Variants in CFAP44 observed in about 807,000 individuals in gnomAD.
CFAP44 encodes the protein cilia and flagella associated protein 44, also known as cilia- and flagella-associated protein 44.
In CFAP44, 134 loss-of-function variants were observed where a neutral mutation model predicts 216.2. The ratio of observed to expected loss-of-function variants is 0.62; its 90% CI spans 0.54 to 0.72. The LOEUF (loss-of-function observed/expected upper bound fraction) is 0.72. Among genes scored for constraint, CFAP44 ranks in the 30% least tolerant of loss-of-function variants. CFAP44 has a pLI of 0.00. For missense variants in CFAP44, 2,035 were observed against 2,182.1 expected (o/e 0.93, Z 1.34); for synonymous variants, 700 against 727.6 (o/e 0.96, Z 0.61).
intron 2 of CFAP44, among the ~76,000 whole-genome samples, chr3:113,430,850 A>T (rs1935087922): frequency 6.6e-6 from 1 of 152,210 alleles, no homozygotes; most frequent in African/African-American, 2.4e-5. Context: ...AAAATTATTA[A>T]ATAAGGTCTG....
In CFAP44 at chr3:113,344,648, A is replaced by G; in HGVS notation, c.3130T>C (p.Ser1044Pro). The G allele has an allele frequency of 6.5e-7, 1 of 1,536,992 alleles. No individual in the cohort carries two copies. Among genetic ancestry groups the G allele is most frequent in the Non-Finnish European group, 8.7e-7 (1 of 1,146,820 alleles). Residue 1044 changes from serine to proline, a missense_variant, in exon 23 of 35, where the codon TCC becomes CCC. Coordinates refer to ENST00000393845, the MANE Select transcript of CFAP44 (RefSeq NM_001164496.2). ...VHAILSDHKI[S>P]SYRLVQPSKY... ...GAGGGCTGCACCAGCCTGTAAGAGGATATCTTGTGGTCACTCAGTATGGCA... is the reference window on the plus strand; with the variant it reads ...GAGGGCTGCACCAGCCTGTAAGAGGGTATCTTGTGGTCACTCAGTATGGCA...
chr3:113,315,663 G>A (rs799829), intron 28 of CFAP44, among the ~76,000 whole-genome samples: 148,653 of 152,284 alleles, frequency 0.98, 72,579 homozygotes, highest in East Asian at 1. Flanking sequence ...TTTGACTTAT[G>A]ATTTTTCAGC....
intron 28 of CFAP44, among the ~76,000 whole-genome samples, chr3:113,316,873 A>AG (rs1376474175): frequency 3.3e-5 from 5 of 151,952 alleles, no homozygotes; most frequent in Non-Finnish European, 7.4e-5. Flanking sequence ...CATCTCAAAA[A>AG]AAAAAAAAAA....
chr3:113,332,801 C>CA (rs1023723213), intron 25 of CFAP44, among the ~76,000 whole-genome samples: 8 of 151,810 alleles, frequency 5.3e-5, no homozygotes, highest in Non-Finnish European at 8.8e-5. Flanking sequence ...GGAAGTCCTA[C>CA]AAAAAAAGGT....
At chr3:113,440,595 C>T (rs1935338335) in intron 1 of CFAP44, among the ~76,000 whole-genome samples, 1 of 152,164 alleles carries the variant, frequency 6.6e-6, no homozygotes, top group Admixed American at 6.5e-5. Context: ...CTGTGTCTCA[C>T]CTCTACCATT....
Position 113,363,352 on chromosome 3 carries a change from C to T in CFAP44, c.2772-45G>A, listed in dbSNP as rs548798378. 39 of 1,577,578 alleles carry T rather than the reference C, an allele frequency of 2.5e-5. No homozygotes were observed. In the African/African-American group the frequency reaches 4.8e-4, roughly 19 times the overall value. ...ACAATAACAGGTTGTGATACAGAAA[C>T]AGCAGAGAAAGAGAAAATTAGTATT... On this transcript the variant is annotated intron_variant, in intron 20 of 34. Transcript: ENST00000393845.
chr3:113,314,048 C>A (rs1206593026), intron 28 of CFAP44, among the ~76,000 whole-genome samples: 1 of 152,114 alleles, frequency 6.6e-6, no homozygotes, highest in Non-Finnish European at 1.5e-5. Context: ...CAAAATAAAA[C>A]CCCAGAGCCT....
intron 21 of CFAP44, among the ~76,000 whole-genome samples, chr3:113,359,272 A>C (rs564967250): frequency 3.9e-4 from 60 of 152,332 alleles, no homozygotes; most frequent in Non-Finnish European, 7.2e-4. Flanking sequence ...CCCAGGAAAG[A>C]TAGCAGTATC....
At position 113,290,923 on chromosome 3, in the gene CFAP44, G is replaced by A. The variant is rs1436706861; in HGVS notation, c.*634C>T. On this transcript the variant is annotated 3_prime_UTR_variant, in exon 35 of 35. Transcript: ENST00000393845. The stretch of plus-strand genomic sequence containing the variant: ...GAACTGAGGAGTCTACAAAAACTGT[G>A]GGCAATCCAAGAAGGCTGGTTATTT... The A allele has an allele frequency of 1.3e-5, 2 of 152,616 alleles. No homozygotes were observed. Among genetic ancestry groups the A allele is most frequent in the African/African-American group, 2.4e-5 (1 of 41,412 alleles). The allele number at this position is 152,616 out of a possible 1,614,324, so 9.5% of individuals were successfully genotyped here. A position where few individuals can be genotyped will look rare whatever the true frequency, so the allele number is the denominator to read the frequency against.
intron 15 of CFAP44, among the ~76,000 whole-genome samples, chr3:113,386,506 C>T (rs1271736876): frequency 6.6e-6 from 1 of 152,138 alleles, no homozygotes; most frequent in Admixed American, 6.5e-5. Context: ...AAGCATATTA[C>T]ATGAAACAGT....
chr3:113,386,058 T>C (rs751616465), intron 15 of CFAP44, among the ~76,000 whole-genome samples: 30 of 152,232 alleles, frequency 2.0e-4, no homozygotes, highest in Non-Finnish European at 3.7e-4. Flanking sequence ...TCTCAATGTT[T>C]GCTTTATATA....
chr3:113,326,659 G>A lies in CFAP44; in HGVS notation c.4321-19C>T. 1 of 1,407,906 alleles carries A rather than the reference G, an allele frequency of 7.1e-7. No individual in the cohort carries two copies. Among genetic ancestry groups the A allele is most frequent in the East Asian group, 2.5e-5 (1 of 39,254 alleles). 87.2% of individuals were successfully genotyped at this position (1,407,906 alleles called of 1,614,324 possible). Reference sequence around the variant, plus strand: ...TTTTCCACTAAATGAATAAAAACAAGGACAAATGATAAATATTTCTGATAA... The same window carrying A: ...TTTTCCACTAAATGAATAAAAACAAAGACAAATGATAAATATTTCTGATAA... On this transcript the variant is annotated intron_variant, in intron 27 of 34. Transcript: ENST00000393845.
At chr3:113,402,591 G>A (rs1486631091) in intron 9 of CFAP44, among the ~76,000 whole-genome samples, 1 of 152,212 alleles carries the variant, frequency 6.6e-6, no homozygotes, top group Non-Finnish European at 1.5e-5. Flanking sequence ...GATTAGCCTG[G>A]TTGGGGGAAG....
intron 2 of CFAP44, among the ~76,000 whole-genome samples, chr3:113,431,261 T>A (rs553216062): frequency 6.6e-6 from 1 of 152,026 alleles, no homozygotes; most frequent in Non-Finnish European, 1.5e-5. Flanking sequence ...ACATTATCAT[T>A]TGGGAGTCTA....
chr3:113,404,027 T>C lies in CFAP44; in HGVS notation c.1006-11A>G, dbSNP rs778779845. The C allele has an allele frequency of 6.2e-6, 10 of 1,607,426 alleles. No individual in the cohort carries two copies. In the East Asian group the frequency reaches 2.0e-4, roughly 32 times the overall value. ...TGACCCTGAGAGCACCTGGCAGGTA[T>C]GTGGAAAAAAGAAATGTGCATTAAA... is the stretch of plus-strand genomic sequence containing the variant. On this transcript the variant is annotated splice_polypyrimidine_tract_variant and intron_variant, in intron 8 of 34. Coordinates refer to ENST00000393845, the MANE Select transcript of CFAP44 (RefSeq NM_001164496.2).
intron 24 of CFAP44, among the ~76,000 whole-genome samples, chr3:113,335,011 A>G (rs1448406034): frequency 6.6e-6 from 1 of 152,180 alleles, no homozygotes; most frequent in Non-Finnish European, 1.5e-5. Flanking sequence ...AAAATGAAGG[A>G]TTACTATTTT....
chr3:113,384,924 G>T (rs751521893), intron 15 of CFAP44, among the ~76,000 whole-genome samples: 8 of 152,132 alleles, frequency 5.3e-5, no homozygotes, highest in Non-Finnish European at 8.8e-5. Context: ...ATCTAATATG[G>T]TTTGGCTGTG....
intron 15 of CFAP44, among the ~76,000 whole-genome samples, chr3:113,390,721 A>C (rs1395336605): frequency 2.0e-5 from 3 of 152,186 alleles, no homozygotes; most frequent in African/African-American, 7.2e-5. Flanking sequence ...TGAAAAAGAA[A>C]TCAAAAAAGT....
At chr3:113,293,613 A>C in intron 34 of CFAP44, among the ~76,000 whole-genome samples, 1 of 152,216 alleles carries the variant, frequency 6.6e-6, no homozygotes, top group East Asian at 1.9e-4. Context: ...ATGTTGACTG[A>C]CTACTCAGTC....
Sources: allele counts gnomAD v4.1 joint callset (sites outside exome capture counted in the v4.1 genomes callset), GRCh38; gene constraint gnomAD v4.1.1; transcripts MANE v1.5; gene names NCBI Gene and HGNC (gene_info 2026-07-23, HGNC 2026-07-21).